NR2C1: variants seen among roughly 807,000 people sequenced by gnomAD.
NR2C1 encodes TR2 nuclear hormone receptor.
Under a neutral mutation model 74.8 loss-of-function variants are expected in NR2C1, and 33 were observed. The ratio of observed to expected loss-of-function variants is 0.44; its 90% confidence interval spans 0.33 to 0.59. The LOEUF (loss-of-function observed/expected upper bound fraction) is 0.59, where lower values mean the gene tolerates loss of function less well. Among genes scored for constraint, NR2C1 ranks in the 20% least tolerant of loss-of-function variants. The pLI is 0.02. For missense variants in NR2C1, 568 were observed against 715.6 expected, an observed-to-expected ratio of 0.79 and a Z score of 2.35; for synonymous variants, 225 against 240.6, an observed-to-expected ratio of 0.94 and a Z score of 0.60.
rs998795687 is a variant in NR2C1 at position 95,021,331 on chromosome 12, C to T, written c.*898G>A. ...GGGATTATAGGCATGAGCCACTACA[C>T]CTGGCTAGTCTCTATTATTTTCAAA... On this transcript the variant is annotated 3_prime_UTR_variant, in exon 14 of 14. Transcript: ENST00000333003. 6.6e-6 allele frequency: 1 copy of T among 151,784 alleles called. No individual in the cohort carries two copies. The highest frequency in any genetic ancestry group is 1.5e-5 in the Non-Finnish European group (1 of 67,954). The allele number at this position is 151,784 out of a possible 1,614,324, so 9.4% of individuals were successfully genotyped here. A position where few individuals can be genotyped will look rare whatever the true frequency, so the allele number is the denominator to read the frequency against.
At chr12:95,064,677 G>A (rs1366934164) in intron 2 of NR2C1, among the ~76,000 whole-genome samples, 1 of 152,080 alleles carries the variant, frequency 6.6e-6, no homozygotes, top group Non-Finnish European at 1.5e-5. Context: ...TGAATACACA[G>A]AACTATTTCA....
At chr12:95,063,661 T>G in intron 2 of NR2C1, among the ~76,000 whole-genome samples, 1 of 146,220 alleles carries the variant, frequency 6.8e-6, no homozygotes, top group East Asian at 2.0e-4. Context: ...GGCAACACAG[T>G]GAGACCCTGT....
intron 10 of NR2C1, among the ~76,000 whole-genome samples, chr12:95,039,057 G>A (rs1374604133): frequency 1.3e-5 from 2 of 151,934 alleles, no homozygotes; most frequent in East Asian, 3.9e-4. Context: ...GACAGAGGAA[G>A]AACTCATCTC....
rs193137183 is a variant in NR2C1, at chr12:95,033,079, A to C, written c.1254-1591T>G. On this transcript the variant is annotated intron_variant, in intron 10 of 13. Transcript: ENST00000333003. ...GAGGCCAGGAGTTTGAAGGGGTAGC[A>C]CACCATGATTGCATCTGTGAAGAGA... 1.8e-3 allele frequency among the ~76,000 whole-genome samples: 279 copies of C among 151,686 alleles called. 1 individual carries two copies. Among genetic ancestry groups the C allele is most frequent in the African/African-American group, 6.6e-3 (272 of 41,342 alleles).
intron 12 of NR2C1, chr12:95,026,714 G>A (rs1869409243): frequency 6.6e-6 from 1 of 152,142 alleles, no homozygotes; most frequent in African/African-American, 2.4e-5. Flanking sequence ...CTGACAGAAA[G>A]AAGCAGGTTT....
intron 1 of NR2C1, among the ~76,000 whole-genome samples, chr12:95,070,769 T>C (rs1876487224): frequency 6.6e-6 from 1 of 152,236 alleles, no homozygotes; most frequent in Non-Finnish European, 1.5e-5. Flanking sequence ...TGGAGAGTTC[T>C]TTTATAATCC....
intron 8 of NR2C1, among the ~76,000 whole-genome samples, chr12:95,050,398 T>G (rs1872817989): frequency 6.6e-6 from 1 of 152,278 alleles, no homozygotes; most frequent in Admixed American, 6.5e-5. Flanking sequence ...AACCTCCATC[T>G]CTGGGGTTCA....
chr12:95,049,812 T>C (rs1318884711), intron 8 of NR2C1, among the ~76,000 whole-genome samples: 1 of 152,220 alleles, frequency 6.6e-6, no homozygotes, highest in Non-Finnish European at 1.5e-5. Context: ...ATGTTTATTT[T>C]TGAAACACAT....
chr12:95,036,983 G>C (rs1870930489), intron 10 of NR2C1, among the ~76,000 whole-genome samples: 1 of 152,156 alleles, frequency 6.6e-6, no homozygotes. Context: ...AAAAGTTACA[G>C]GTTTCAAAAC....
intron 2 of NR2C1, chr12:95,062,966 C>T: frequency 1.8e-6 from 1 of 561,062 alleles, no homozygotes; most frequent in East Asian, 3.1e-5. Context: ...TCCCTCCTTC[C>T]CCTTCCCTCC....
chr12:95,026,014 T>C (rs147407233), intron 12 of NR2C1, among the ~76,000 whole-genome samples: 1,819 of 151,946 alleles, frequency 0.012, 25 homozygotes, highest in African/African-American at 0.042. Flanking sequence ...AAGACCAGCC[T>C]GGCCAACATG....
chr12:95,033,427 A>AAAAC (rs1419017482), intron 10 of NR2C1, among the ~76,000 whole-genome samples: 1 of 152,176 alleles, frequency 6.6e-6, no homozygotes, highest in African/African-American at 2.4e-5. Flanking sequence ...GCAGAGAATT[A>AAAAC]AAACAAACAA....
chr12:95,034,502 A>G (rs1870565610), intron 10 of NR2C1, among the ~76,000 whole-genome samples: 1 of 152,202 alleles, frequency 6.6e-6, no homozygotes, highest in Non-Finnish European at 1.5e-5. Flanking sequence ...CTGGATCAAC[A>G]TCTTTTCAGA....
intron 9 of NR2C1, among the ~76,000 whole-genome samples, chr12:95,048,354 G>A (rs771739779): frequency 9.9e-5 from 15 of 152,188 alleles, no homozygotes; most frequent in African/African-American, 1.7e-4. Context: ...GTAGTAGCTA[G>A]GCATTGAACA....
At chr12:95,056,954 A>G (rs989882203) in intron 7 of NR2C1, among the ~76,000 whole-genome samples, 22 of 142,976 alleles carry the variant, frequency 1.5e-4, no homozygotes, top group Middle Eastern at 3.7e-3. Context: ...GTGAGACTCC[A>G]TCTCAAAAAA....
At chr12:95,048,131 G>A (rs1031245370) in intron 9 of NR2C1, among the ~76,000 whole-genome samples, 2 of 152,056 alleles carry the variant, frequency 1.3e-5, no homozygotes, top group Non-Finnish European at 2.9e-5. Flanking sequence ...TCGGCATGTT[G>A]CCCAGGCTGG....
At chr12:95,059,291 G>T (rs1286508992) in intron 4 of NR2C1, among the ~76,000 whole-genome samples, 1 of 141,788 alleles carries the variant, frequency 7.1e-6, no homozygotes, top group African/African-American at 2.6e-5. Context: ...GACAGCGCAA[G>T]ACTCCATCTC....
intron 2 of NR2C1, among the ~76,000 whole-genome samples, chr12:95,064,100 C>T (rs565208483): frequency 1.7e-4 from 25 of 148,596 alleles, no homozygotes; most frequent in Admixed American, 4.1e-4. Flanking sequence ...GAGGCCGAGG[C>T]GGGCAACTCA....
intron 12 of NR2C1, chr12:95,028,048 G>A (rs1276430714): frequency 5.9e-6 from 1 of 170,206 alleles, no homozygotes; most frequent in African/African-American, 2.4e-5. Flanking sequence ...TTCCTTTTAT[G>A]GCTGAATGAT....
Sources: allele counts gnomAD v4.1 joint callset (sites outside exome capture counted in the v4.1 genomes callset), GRCh38; gene constraint gnomAD v4.1.1; transcripts MANE v1.5; gene names NCBI Gene and HGNC (gene_info 2026-07-23, HGNC 2026-07-21).